ZNF563: variants seen among roughly 807,000 people sequenced by gnomAD.
ZNF563 encodes the protein zinc finger protein 563.
A neutral mutation model predicts 48.5 loss-of-function variants in ZNF563; 39 were observed. The ratio of observed to expected loss-of-function variants is 0.80; its 90% confidence interval spans 0.62 to 1.05. The LOEUF (loss-of-function observed/expected upper bound fraction) is 1.05, where lower values mean the gene tolerates loss of function less well. Ranked by LOEUF, ZNF563 falls within the 50% of genes least tolerant of loss-of-function variation. The pLI, the probability that ZNF563 is intolerant of heterozygous loss-of-function variation, is 0.00. For synonymous variants in ZNF563, 168 were observed against 187.9 expected (o/e 0.89, Z 0.87); for missense variants, 538 against 597.0 (o/e 0.90, Z 1.03).
chr19:12,333,616 GTC>G lies in ZNF563; in HGVS notation c.-136_-135del. On this transcript the variant is annotated 5_prime_UTR_variant, in exon 1 of 4. Transcript: ENST00000293725. ...TGAGGCTACACAGACGTTCCAGGGC[GTC>G]TCTCAGCGAGCGACTGAGTCTAGAG... is the stretch of plus-strand genomic sequence containing the variant. The G allele has an allele frequency of 7.5e-7, 1 of 1,339,498 alleles. No homozygotes were observed. Among genetic ancestry groups the G allele is most frequent in the Non-Finnish European group, 1.0e-6 (1 of 980,460 alleles). The allele number at this position is 1,339,498 out of a possible 1,614,324, so 83.0% of individuals were successfully genotyped here. A position where few individuals can be genotyped will look rare whatever the true frequency, so the allele number is the denominator to read the frequency against.
At chr19:12,341,438 A>G in the ZNF563 span, among the ~76,000 whole-genome samples, 1 of 152,202 alleles carries the variant, frequency 6.6e-6, no homozygotes, top group Non-Finnish European at 1.5e-5. Flanking sequence ...AATGGGTGAA[A>G]AATATGATCC....
In ZNF563 at chr19:12,319,054, A is replaced by G; in HGVS notation, c.971T>C (p.Phe324Ser). Residue 324 changes from phenylalanine (F) to serine (S), a missense_variant, in exon 4 of 4, where the codon TTT becomes TCT. By Grantham distance (155) the Phe-to-Ser change is radical (BLOSUM62 -2). Transcript: ENST00000293725. ...CGKTFHHLGS[F>S]QIHMKRHTGD... ...AGTGTGCCTTTTCATGTGTATCTGA[A>G]AGCTTCCAAGATGATGAAATGTTTT... 1 of 1,614,098 alleles carries G rather than the reference A, an allele frequency of 6.2e-7. No homozygotes were observed. Among genetic ancestry groups the G allele is most frequent in the Non-Finnish European group, 8.5e-7 (1 of 1,180,024 alleles).
At chr19:12,341,556 CA>C in the ZNF563 span, among the ~76,000 whole-genome samples, 8 of 152,168 alleles carry the variant, frequency 5.3e-5, no homozygotes, top group African/African-American at 4.8e-5. Flanking sequence ...CCAAATAGAA[CA>C]GGGGGGGCTA....
rs756372264 is a variant in ZNF563 at position 12,319,178 on chromosome 19, A to G, written c.847T>C (p.Cys283Arg). ...CTGAAGGCTTTCCCACACTGTTTACATGTATATGGTTTCTCTCCAGTGTGA... is the reference window on the plus strand; with the variant it reads ...CTGAAGGCTTTCCCACACTGTTTACGTGTATATGGTTTCTCTCCAGTGTGA... ...RTHTGEKPYT[C>R]KQCGKAFSVS... Residue 283 changes from cysteine to arginine, a missense_variant, in exon 4 of 4, where the codon TGT (cysteine) becomes CGT (arginine). Physicochemically the swap from Cys to Arg is radical, Grantham distance 180 (BLOSUM62 -3). Coordinates refer to ENST00000293725, the MANE Select transcript of ZNF563 (RefSeq NM_145276.3). 7 of 1,614,126 alleles carry G rather than the reference A, an allele frequency of 4.3e-6. No individual in the cohort carries two copies. Among genetic ancestry groups the G allele is most frequent in the Admixed American group, 1.7e-5 (1 of 60,010 alleles).
At chr19:12,321,357 C>G in intron 2 of ZNF563, 25 bp from the exon 3 acceptor site, 1 of 1,461,624 alleles carries the variant, frequency 6.8e-7, no homozygotes, top group Non-Finnish European at 9.2e-7. Flanking sequence ...CAGAAAATCA[C>G]TATACATTAT....
intron 1 of ZNF563, 26 bp downstream of exon 1, chr19:12,333,454 T>C: frequency 6.2e-7 from 1 of 1,613,362 alleles, no homozygotes; most frequent in Non-Finnish European, 8.5e-7. Flanking sequence ...TTCCCACTTT[T>C]GGGACGCCTG....
At chr19:12,343,877 CCCACCA>C in the ZNF563 span, among the ~76,000 whole-genome samples, 8 of 151,582 alleles carry the variant, frequency 5.3e-5, no homozygotes, top group African/African-American at 9.7e-5. Flanking sequence ...ACTACAGGCA[CCCACCA>C]CCACGCCCGG....
chr19:12,343,316 C>T, the ZNF563 span, among the ~76,000 whole-genome samples: 1 of 152,072 alleles, frequency 6.6e-6, no homozygotes, highest in Non-Finnish European at 1.5e-5. Flanking sequence ...AGGAGACAAA[C>T]TGGGTGTGGT....
chr19:12,341,794 A>G, the ZNF563 span, among the ~76,000 whole-genome samples: 1 of 152,324 alleles, frequency 6.6e-6, no homozygotes, highest in East Asian at 1.9e-4. Context: ...AAGAATGGAT[A>G]GAATAATCAG....
chr19:12,322,546 T>G, intron 2 of ZNF563, 39 bp downstream of exon 2: 1 of 1,557,084 alleles, frequency 6.4e-7, no homozygotes, highest in Non-Finnish European at 8.7e-7. Flanking sequence ...GAAACAAATG[T>G]CTGTAATTGA....
chr19:12,328,468 C>T (rs1968845324), intron 1 of ZNF563, among the ~76,000 whole-genome samples: 2 of 152,136 alleles, frequency 1.3e-5, no homozygotes, highest in African/African-American at 2.4e-5. Flanking sequence ...GACCACCACC[C>T]TGTCTCTTAA....
chr19:12,324,729 A>G (rs1237874488), intron 1 of ZNF563, among the ~76,000 whole-genome samples: 3 of 151,494 alleles, frequency 2.0e-5, no homozygotes, highest in Non-Finnish European at 4.4e-5. Context: ...AGAAAAAAAA[A>G]AAAAAAAAAA....
At chr19:12,344,143 A>G in the ZNF563 span, among the ~76,000 whole-genome samples, 27 of 152,064 alleles carry the variant, frequency 1.8e-4, no homozygotes, top group Non-Finnish European at 2.9e-4. Flanking sequence ...CTGTAATCCC[A>G]GCACTTTCAG....
the ZNF563 span, among the ~76,000 whole-genome samples, chr19:12,343,174 G>A: frequency 6.6e-6 from 1 of 151,896 alleles, no homozygotes; most frequent in African/African-American, 2.4e-5. Flanking sequence ...TCCAGCCTGG[G>A]TGACAGAGCG....
At chr19:12,327,549 T>C (rs534051257) in intron 1 of ZNF563, among the ~76,000 whole-genome samples, 75 of 151,688 alleles carry the variant, frequency 4.9e-4, no homozygotes, top group African/African-American at 1.6e-3. Context: ...AATATACATA[T>C]ACATATTAAT....
At chr19:12,333,771 C>T, upstream of ZNF563, 1 of 481,318 alleles carries the variant, frequency 2.1e-6, no homozygotes, top group Non-Finnish European at 3.7e-6. Flanking sequence ...CCAGGTCCCG[C>T]CCCCTGGGCA....
rs771420597 is a variant in ZNF563 at position 12,318,767 on chromosome 19, G to A, written c.1258C>T (p.Pro420Ser). Residue 420 changes from proline (P) to serine (S), a missense_variant, in exon 4 of 4, where the codon CCC becomes TCC. Physicochemically the swap from Pro to Ser is moderately conservative, Grantham distance 74. Coordinates refer to ENST00000293725, the MANE Select transcript of ZNF563 (RefSeq NM_145276.3). ...TTCCCACACTGCTTGCATTCATAGG[G>A]TTTCTCTCCACTGTGAGACTTTTCG... is the stretch of plus-strand genomic sequence containing the variant. ...RHEKSHSGEK[P>S]YECKQCGKAL... is the part of the protein sequence containing the mutation. The A allele has an allele frequency of 6.2e-7, 1 of 1,614,008 alleles. No homozygotes were observed. Among genetic ancestry groups the A allele is most frequent in the South Asian group, 1.1e-5 (1 of 91,072 alleles).
intron 3 of ZNF563, 122 bp downstream of exon 3, chr19:12,321,150 T>C (rs1194493136): frequency 1.4e-6 from 1 of 703,120 alleles, no homozygotes; most frequent in Non-Finnish European, 2.2e-6. Context: ...AAAAAAAAAG[T>C]TAATTTAAAA....
intron 1 of ZNF563, among the ~76,000 whole-genome samples, chr19:12,326,295 A>C (rs370815619): frequency 6.6e-6 from 1 of 152,208 alleles, no homozygotes; most frequent in South Asian, 2.1e-4. Context: ...TGCAAAGTAC[A>C]ACAATCAAAA....
Sources: allele counts gnomAD v4.1 joint callset (sites outside exome capture counted in the v4.1 genomes callset), GRCh38; gene constraint gnomAD v4.1.1; transcripts MANE v1.5; gene names NCBI Gene and HGNC (gene_info 2026-07-23, HGNC 2026-07-21).